Variants in PPP2R5C observed in about 807,000 individuals in gnomAD.
PPP2R5C encodes protein phosphatase 2 regulatory subunit B'gamma, also known as serine/threonine-protein phosphatase 2A 56 kDa regulatory subunit gamma isoform.
PPP2R5C carries 7 observed loss-of-function variants against 68.9 expected under a neutral mutation model. That is an observed-to-expected ratio of 0.10 (90% CI 0.06 to 0.19). The LOEUF is 0.19. PPP2R5C is among the 10% of genes least tolerant of loss of function. The pLI, the probability that PPP2R5C is intolerant of heterozygous loss-of-function variation, is 1.00. For synonymous variants in PPP2R5C, 210 were observed against 222.2 expected, an observed-to-expected ratio of 0.95 and a Z score of 0.49; for missense variants, 348 against 641.3, an observed-to-expected ratio of 0.54 and a Z score of 4.94.
intron 1 of PPP2R5C, among the ~76,000 whole-genome samples, chr14:101,815,283 G>T (rs542710228): frequency 3.3e-5 from 5 of 152,330 alleles, no homozygotes; most frequent in South Asian, 4.1e-4. Flanking sequence ...ACATCAGAGT[G>T]TTGAGAGATG....
At chr14:101,785,609 C>G (rs2038055605) in intron 2 of PPP2R5C, among the ~76,000 whole-genome samples, 1 of 152,188 alleles carries the variant, frequency 6.6e-6, no homozygotes, top group African/African-American at 2.4e-5. Context: ...CTTGGACCCA[C>G]CTGGATGATC....
intron 3 of PPP2R5C, among the ~76,000 whole-genome samples, chr14:101,794,807 A>C (rs1348332959): frequency 6.6e-6 from 1 of 152,100 alleles, no homozygotes; most frequent in Non-Finnish European, 1.5e-5. Context: ...AAGGCTATTG[A>C]ATTTGGGGGC....
rs574077667 is a variant in PPP2R5C, at chr14:101,917,302, C to A, written c.1327-529C>A. On this transcript the variant is annotated intron_variant, in intron 12 of 13. Transcript: ENST00000334743. The surrounding 1 kb of genome is among the most constrained non-coding windows in gnomAD (Gnocchi z 4.4). ...GTTTGTTTTGGTGGAGAGCAAGTCA[C>A]CCGGGATGTGATGAGAGGGTTTCAT... Among the ~76,000 whole-genome samples, 31 of 152,214 alleles carry A rather than the reference C, an allele frequency of 2.0e-4. 1 individual carries two copies. The South Asian group carries it at 6.0e-3, about 30-fold the overall frequency.
chr14:101,821,712 G>A (rs1003151376), intron 1 of PPP2R5C, among the ~76,000 whole-genome samples: 11 of 151,792 alleles, frequency 7.2e-5, no homozygotes, highest in Admixed American at 6.6e-5. Flanking sequence ...GCTTAATGTG[G>A]TCTCGCATGT....
At chr14:101,826,531 T>C (rs73356829) in intron 1 of PPP2R5C, among the ~76,000 whole-genome samples, 35,316 of 152,200 alleles carry the variant, frequency 0.23, 4,752 homozygotes, top group African/African-American at 0.37. Context: ...TCTTGATTAC[T>C]GTAGCTCTGT....
At chr14:101,821,452 G>GGTAT (rs1555386195) in intron 1 of PPP2R5C, among the ~76,000 whole-genome samples, 1 of 121,358 alleles carries the variant, frequency 8.2e-6, no homozygotes, top group Non-Finnish European at 1.7e-5. Flanking sequence ...TGGGTGGGTG[G>GGTAT]GTGTGTGTGT....
intron 13 of PPP2R5C, chr14:101,921,483 C>G (rs2047002052): frequency 6.6e-6 from 1 of 151,848 alleles, no homozygotes; most frequent in Non-Finnish European, 1.5e-5. Flanking sequence ...GATCGCACCA[C>G]TGCCCTCCAG....
At chr14:101,860,302 G>A (rs1445075791) in intron 2 of PPP2R5C, among the ~76,000 whole-genome samples, 1 of 152,068 alleles carries the variant, frequency 6.6e-6, no homozygotes, top group African/African-American at 2.4e-5. Context: ...TACAGAATAT[G>A]TACCCTTTGG....
intron 13 of PPP2R5C, among the ~76,000 whole-genome samples, chr14:101,920,889 C>T (rs1051211376): frequency 1.3e-5 from 2 of 151,964 alleles, no homozygotes; most frequent in Non-Finnish European, 2.9e-5. Context: ...CCTCAGCCTC[C>T]TGCAGTGCTG....
chr14:101,797,667 G>T lies in PPP2R5C; in HGVS notation c.259+11484G>T. On this transcript the variant is annotated intron_variant, in intron 3 of 14. Transcript: ENST00000328724. The surrounding 1 kb of genome is among the most constrained non-coding windows in gnomAD (Gnocchi z 4.2). The stretch of plus-strand genomic sequence containing the variant: ...CTCCTAAAAGGGTGTCGGCAAGTTG[G>T]CAAGTTAAAAAAAAAAACAATCAGC... 5.9e-6 allele frequency: 1 copy of T among 168,830 alleles called. No homozygotes were observed. The highest frequency in any genetic ancestry group is 1.3e-5 in the Non-Finnish European group (1 of 78,030). The allele number at this position is 168,830 out of a possible 1,614,324, so 10.5% of individuals were successfully genotyped here. A position where few individuals can be genotyped will look rare whatever the true frequency, so the allele number is the denominator to read the frequency against.
At chr14:101,894,547 C>T (rs2045175380) in exon 8 of PPP2R5C, 2 of 1,613,672 alleles carry the variant, frequency 1.2e-6, no homozygotes, top group African/African-American at 1.3e-5. Flanking sequence ...AAGGACAGCA[C>T]CCTCACGGAA....
intron 2 of PPP2R5C, among the ~76,000 whole-genome samples, chr14:101,775,412 G>A (rs2037365800): frequency 6.6e-6 from 1 of 152,178 alleles, no homozygotes; most frequent in Admixed American, 6.5e-5. Flanking sequence ...AGACTTCCAT[G>A]TATCTGCTGC....
intron 1 of PPP2R5C, among the ~76,000 whole-genome samples, chr14:101,815,134 C>G (rs1427762333): frequency 1.3e-5 from 2 of 152,156 alleles, no homozygotes; most frequent in Admixed American, 6.5e-5. Context: ...AACCCTCCCC[C>G]ACTCACTACC....
At chr14:101,763,253 T>G (rs1236086679) in intron 2 of PPP2R5C, among the ~76,000 whole-genome samples, 1 of 152,094 alleles carries the variant, frequency 6.6e-6, no homozygotes, top group East Asian at 1.9e-4. Context: ...GGGGTCTCAC[T>G]TTGTCACGCA....
intron 13 of PPP2R5C, among the ~76,000 whole-genome samples, chr14:101,918,726 A>G (rs1443682216): frequency 7.7e-6 from 1 of 129,738 alleles, no homozygotes; most frequent in Non-Finnish European, 1.6e-5. Context: ...GCCTCCGACC[A>G]CTGTTACTCC....
chr14:101,901,757 C>T (rs368661448), exon 9 of PPP2R5C: 12 of 1,613,908 alleles, frequency 7.4e-6, no homozygotes, highest in African/African-American at 6.7e-5. Flanking sequence ...CAAAGACTCA[C>T]AGTCCAAAAG....
intron 10 of PPP2R5C, among the ~76,000 whole-genome samples, chr14:101,907,747 AC>A (rs2046130643): frequency 6.6e-6 from 1 of 151,886 alleles, no homozygotes; most frequent in Non-Finnish European, 1.5e-5. Flanking sequence ...TCTATTGGGC[AC>A]CCCTCTGGCT....
chr14:101,863,778 A>C (rs771574171), intron 2 of PPP2R5C, among the ~76,000 whole-genome samples: 2 of 152,166 alleles, frequency 1.3e-5, no homozygotes, highest in Non-Finnish European at 2.9e-5. Flanking sequence ...GGCGCCTGTA[A>C]TCCCAGCTAC....
Position 101,775,182 on chromosome 14 carries a change from T to C in PPP2R5C, c.94-10836T>C, listed in dbSNP as rs562934067. On this transcript the variant is annotated intron_variant, in intron 2 of 14. Coordinates refer to the PPP2R5C transcript ENST00000328724. ...TTGACTCTATTCACCATCTAAGAGA[T>C]ACTGAGAGATCAGTGATTCGGCCCT... Among the ~76,000 whole-genome samples, 3 of 152,358 alleles carry C rather than the reference T, an allele frequency of 2.0e-5. No individual in the cohort carries two copies. The East Asian group carries it at 5.8e-4, about 29-fold the overall frequency.
Sources: gnomAD v4.1 joint callset for allele counts (sites outside exome capture counted in the v4.1 genomes callset) on GRCh38, gnomAD v4.1.1 for gene constraint, Gnocchi (gnomAD v3.1) non-coding constraint, MANE v1.5 for transcripts, NCBI Gene and HGNC (gene_info 2026-07-23, HGNC 2026-07-21) for gene names.